Variants in FILIP1 observed in about 807,000 individuals in gnomAD.
The protein encoded by FILIP1 is filamin A interacting protein 1.
In FILIP1, 61 loss-of-function variants were observed where a neutral mutation model predicts 102.1. That is an observed-to-expected ratio of 0.60 (90% confidence interval 0.49 to 0.74). FILIP1 has a LOEUF of 0.74. Among genes scored for constraint, FILIP1 ranks in the 30% least tolerant of loss-of-function variants. FILIP1 has a pLI of 0.00. For missense variants in FILIP1, 1,314 were observed against 1,441.2 expected (o/e 0.91, Z 1.43); for synonymous variants, 491 against 526.9 (o/e 0.93, Z 0.93).
intron 3 of FILIP1, among the ~76,000 whole-genome samples, chr6:75,362,407 C>A (rs1050422582): frequency 6.6e-6 from 1 of 152,202 alleles, no homozygotes; most frequent in South Asian, 2.1e-4. Flanking sequence ...AGAATCCTGA[C>A]AGCTCAATGT....
In FILIP1 at chr6:75,312,572, C is replaced by T; in HGVS notation, c.3260G>A (p.Ser1087Asn). Residue 1087 changes from serine (S) to asparagine (N), a missense_variant, in exon 5 of 6, where the codon AGT (serine) becomes AAT (asparagine). Ser to Asn is a conservative substitution (Grantham distance 46). Around this residue, in one of 3 missense-constraint regions of FILIP1, gnomAD observed 816 missense variants for 913.1 expected, o/e 0.89. Transcript: ENST00000237172. ...RSPGTSGEGV[S>N]PVITVRPVNV... Reference sequence around the variant, plus strand: ...TACTGGTCGGACAGTAATAACTGGACTGACTCCTTCACCTGAAGTCCCAGG... The same window carrying T: ...TACTGGTCGGACAGTAATAACTGGATTGACTCCTTCACCTGAAGTCCCAGG... 1.2e-6 allele frequency: 2 copies of T among 1,614,226 alleles called. No homozygotes were observed. The highest frequency in any genetic ancestry group is 1.7e-6 in the Non-Finnish European group (2 of 1,180,044).
intron 4 of FILIP1, chr6:75,319,028 CTTA>C: frequency 2.9e-6 from 2 of 699,880 alleles, no homozygotes; most frequent in Non-Finnish European, 5.1e-6. Context: ...CTAGAACCAA[CTTA>C]TTCATCATCG....
chr6:75,392,276 A>G (rs2149658759), intron 2 of FILIP1, among the ~76,000 whole-genome samples: 1 of 152,266 alleles, frequency 6.6e-6, no homozygotes, highest in Non-Finnish European at 1.5e-5. Context: ...AATAGCATCT[A>G]TATACATGTG....
At chr6:75,461,820 G>A (rs956511973) in intron 1 of FILIP1, among the ~76,000 whole-genome samples, 4 of 152,300 alleles carry the variant, frequency 2.6e-5, no homozygotes, top group Admixed American at 6.5e-5. Flanking sequence ...GAACAAGGGC[G>A]AAGTGTGTGC....
chr6:75,481,287 A>G (rs1313275564), intron 1 of FILIP1, among the ~76,000 whole-genome samples: 1 of 152,230 alleles, frequency 6.6e-6, no homozygotes, highest in Non-Finnish European at 1.5e-5. Flanking sequence ...TCGGTGCCTG[A>G]AACACGAGTC....
At chr6:75,336,234 T>A (rs1774238428) in intron 4 of FILIP1, among the ~76,000 whole-genome samples, 1 of 152,204 alleles carries the variant, frequency 6.6e-6, no homozygotes, top group Non-Finnish European at 1.5e-5. Context: ...AGACTTAATC[T>A]GGGCTTGGCA....
At chr6:75,374,270 C>T (rs1775675046) in intron 2 of FILIP1, among the ~76,000 whole-genome samples, 1 of 152,222 alleles carries the variant, frequency 6.6e-6, no homozygotes, top group Non-Finnish European at 1.5e-5. Flanking sequence ...AGACTGCAAG[C>T]TCTCAGTTCT....
rs149237104 is a variant in FILIP1, at chr6:75,480,939, C to T, written c.-7+12475G>A. 9.1e-4 allele frequency among the ~76,000 whole-genome samples: 138 copies of T among 152,286 alleles called. 1 individual carries two copies. Among genetic ancestry groups the T allele is most frequent in the African/African-American group, 3.2e-3 (134 of 41,554 alleles). On this transcript the variant is annotated intron_variant, in intron 1 of 5. Transcript: ENST00000237172. ...AGTGAAAGACTGCAGCTCACTAATT[C>T]CCCACTATTTGTACAGCTATGTAGA...
At chr6:75,487,903 G>C (rs907549994) in intron 1 of FILIP1, among the ~76,000 whole-genome samples, 3 of 151,962 alleles carry the variant, frequency 2.0e-5, no homozygotes, top group Admixed American at 2.0e-4. Context: ...AACAATCATC[G>C]TTTCCTCAAT....
chr6:75,391,291 A>T (rs1300961469), intron 2 of FILIP1, among the ~76,000 whole-genome samples: 1 of 152,062 alleles, frequency 6.6e-6, no homozygotes, highest in Non-Finnish European at 1.5e-5. Context: ...CCTTGGTTAA[A>T]TCTCTCTCCC....
intron 1 of FILIP1, among the ~76,000 whole-genome samples, chr6:75,452,909 A>G (rs139632961): frequency 1.3e-5 from 2 of 152,224 alleles, no homozygotes; most frequent in Non-Finnish European, 2.9e-5. Context: ...TGAAGGTGTC[A>G]TATTTTGATG....
intron 4 of FILIP1, among the ~76,000 whole-genome samples, chr6:75,318,008 C>T (rs1225557118): frequency 6.6e-6 from 1 of 152,136 alleles, no homozygotes; most frequent in Non-Finnish European, 1.5e-5. Flanking sequence ...AGTTCATGTC[C>T]AGTCAGTCTC....
At chr6:75,403,124 A>G (rs1776710947) in intron 2 of FILIP1, among the ~76,000 whole-genome samples, 2 of 152,186 alleles carry the variant, frequency 1.3e-5, no homozygotes, top group South Asian at 2.1e-4. Context: ...TGAAGGATCA[A>G]TGTAGGATTT....
intron 1 of FILIP1, among the ~76,000 whole-genome samples, chr6:75,419,313 C>A (rs1777372295): frequency 2.0e-5 from 3 of 152,096 alleles, no homozygotes; most frequent in Non-Finnish European, 2.9e-5. Context: ...CATCCCACCA[C>A]CAACAAAAAC....
intron 4 of FILIP1, among the ~76,000 whole-genome samples, chr6:75,339,303 T>C (rs1774342755): frequency 6.6e-6 from 1 of 152,248 alleles, no homozygotes; most frequent in Admixed American, 6.5e-5. Flanking sequence ...CTGAGGACTC[T>C]CTTGATTAAT....
chr6:75,413,258 C>A (rs534241941), intron 2 of FILIP1, among the ~76,000 whole-genome samples: 1 of 152,194 alleles, frequency 6.6e-6, no homozygotes, highest in African/African-American at 2.4e-5. Context: ...AAAAATTGTA[C>A]CTTTCACTCA....
chr6:75,405,350 T>C (rs1035890614), intron 2 of FILIP1, among the ~76,000 whole-genome samples: 4 of 150,340 alleles, frequency 2.7e-5, no homozygotes, highest in Non-Finnish European at 5.9e-5. Flanking sequence ...TCCACTAAGC[T>C]AAAGAAGGGG....
rs1777193962 is a variant in FILIP1, at chr6:75,414,757, G to A, written c.216C>T (p.Ser72=). The change falls in exon 2 of 6, where the codon TCC becomes TCT. Residue 72 remains serine (S), a synonymous_variant. Coordinates refer to ENST00000237172, the MANE Select transcript of FILIP1 (RefSeq NM_015687.5). ...TGAGGTCTTCTTTGGATAACTCCAG[G>A]GATTTCTTAGTTTTTCGTTCACATT... is the stretch of plus-strand genomic sequence containing the variant. ...SGECERKTKK[S]LELSKEDLIQ... 9 of 1,613,806 alleles carry A rather than the reference G, an allele frequency of 5.6e-6. No homozygotes were observed. Among genetic ancestry groups the A allele is most frequent in the Non-Finnish European group, 6.8e-6 (8 of 1,179,818 alleles).
At chr6:75,304,067 A>G (rs981415972), downstream of FILIP1, among the ~76,000 whole-genome samples, 3 of 152,172 alleles carry the variant, frequency 2.0e-5, no homozygotes, top group African/African-American at 7.2e-5. Context: ...GAGCATTTGG[A>G]AAAATATATA....
Sources: gnomAD v4.1 joint callset for allele counts (sites outside exome capture counted in the v4.1 genomes callset) on GRCh38, gnomAD v4.1.1 for gene constraint, gnomAD v4.1.1 regional missense constraint, MANE v1.5 for transcripts, NCBI Gene and HGNC (gene_info 2026-07-23, HGNC 2026-07-21) for gene names.